DROSHA: variants seen among roughly 807,000 people sequenced by gnomAD.
DROSHA encodes the protein drosha ribonuclease III, also known as ribonuclease 3.
A neutral mutation model predicts 181.9 loss-of-function variants in DROSHA; 56 were observed. That is an observed-to-expected ratio of 0.31 (90% confidence interval 0.25 to 0.38). The LOEUF (loss-of-function observed/expected upper bound fraction) is 0.38, where lower values mean the gene tolerates loss of function less well. DROSHA is among the 10% of genes least tolerant of loss of function. The probability of loss-of-function intolerance (pLI) is 1.00; values close to 1 mark genes in which losing one functional copy is unlikely to be tolerated. For synonymous variants in DROSHA, 524 were observed against 591.2 expected (o/e 0.89, Z 1.65); for missense variants, 1,218 against 1,743.5 (o/e 0.70, Z 5.37).
At chr5:31,496,046 T>C (rs996346508) in intron 11 of DROSHA, among the ~76,000 whole-genome samples, 1 of 152,170 alleles carries the variant, frequency 6.6e-6, no homozygotes, top group Admixed American at 6.5e-5. Flanking sequence ...TGGTTGTGTC[T>C]TGGCATTTTC....
intron 16 of DROSHA, among the ~76,000 whole-genome samples, chr5:31,483,169 C>T (rs190560786): frequency 1.3e-5 from 2 of 152,040 alleles, no homozygotes; most frequent in Non-Finnish European, 1.5e-5. Flanking sequence ...AATCCTACTA[C>T]CTTAATGTAA....
chr5:31,481,445 T>C (rs1174637508), intron 16 of DROSHA, among the ~76,000 whole-genome samples: 1 of 152,218 alleles, frequency 6.6e-6, no homozygotes, highest in Non-Finnish European at 1.5e-5. Flanking sequence ...TGTTTGGTCA[T>C]AAAACGCCTA....
At chr5:31,490,000 C>T (rs190564050) in intron 13 of DROSHA, among the ~76,000 whole-genome samples, 44 of 152,160 alleles carry the variant, frequency 2.9e-4, no homozygotes, top group African/African-American at 9.4e-4. Context: ...CTCAGCCTCC[C>T]GAGTAGCTGG....
At chr5:31,520,881 G>A (rs1003416976) in intron 6 of DROSHA, among the ~76,000 whole-genome samples, 4 of 152,056 alleles carry the variant, frequency 2.6e-5, no homozygotes, top group Non-Finnish European at 4.4e-5. Context: ...TAGCACTGTG[G>A]TCAGAAAAAG....
At chr5:31,492,599 C>T (rs1163157169) in intron 13 of DROSHA, among the ~76,000 whole-genome samples, 1 of 152,222 alleles carries the variant, frequency 6.6e-6, no homozygotes, top group Non-Finnish European at 1.5e-5. Context: ...CTACATCCAA[C>T]TGCAATATGA....
rs145317195 is a variant in DROSHA at position 31,523,549 on chromosome 5, T to A, written c.855-2334A>T. On this transcript the variant is annotated intron_variant, in intron 5 of 35. Coordinates refer to ENST00000344624, the MANE Select transcript of DROSHA (RefSeq NM_001382508.1). ...AAACAGAGGCGGAAATACAACACTA[T>A]CTAGAATGTTTGCTGCAAAATGTTT... Among the ~76,000 whole-genome samples, 815 of 152,270 alleles carry A rather than the reference T, an allele frequency of 5.4e-3. 4 individuals are homozygous for A. Among genetic ancestry groups the A allele is most frequent in the African/African-American group, 0.019 (780 of 41,544 alleles).
At chr5:31,474,368 T>C (rs1460400735) in intron 16 of DROSHA, among the ~76,000 whole-genome samples, 1 of 152,118 alleles carries the variant, frequency 6.6e-6, no homozygotes, top group Non-Finnish European at 1.5e-5. Context: ...AGTCCTTTTT[T>C]TTTCTTTTTT....
At chr5:31,468,176 A>G (rs928884632) in intron 17 of DROSHA, 113 bp from the exon 18 acceptor site, 5 of 1,230,896 alleles carry the variant, frequency 4.1e-6, no homozygotes, top group Non-Finnish European at 3.3e-6. Context: ...CTTGTCCCCA[A>G]AGGGAAAAGG....
At chr5:31,481,492 C>T (rs950477202) in intron 16 of DROSHA, among the ~76,000 whole-genome samples, 1 of 152,154 alleles carries the variant, frequency 6.6e-6, no homozygotes. Context: ...GGCTTTTCAG[C>T]AAATTCACTC....
intron 14 of DROSHA, among the ~76,000 whole-genome samples, chr5:31,485,934 T>G (rs75792413): frequency 6.6e-6 from 1 of 152,242 alleles, no homozygotes; most frequent in South Asian, 2.1e-4. Context: ...GTATGATTTG[T>G]TGACACCACT....
At chr5:31,406,728 A>T in intron 34 of DROSHA, 125 bp downstream of exon 34, 1 of 825,364 alleles carries the variant, frequency 1.2e-6, no homozygotes, top group Non-Finnish European at 1.9e-6. Context: ...TCACTTTGCT[A>T]CTACTCTTGA....
Position 31,406,337 on chromosome 5 carries a change from C to G in DROSHA, c.3947+516G>C, listed in dbSNP as rs570605541. ...ACCAGCTTGGCCAACATGGTAAAAC[C>G]CTGTCTCTACTAAAAACACAAAAAT... On this transcript the variant is annotated intron_variant, in intron 34 of 35. Coordinates refer to ENST00000344624, the MANE Select transcript of DROSHA (RefSeq NM_001382508.1). Among the ~76,000 whole-genome samples the G allele has an allele frequency of 6.1e-4, 93 of 151,946 alleles. 1 individual carries two copies. Among genetic ancestry groups the G allele is most frequent in the African/African-American group, 2.1e-3 (89 of 41,450 alleles).
chr5:31,429,584 T>A (rs759842244), intron 26 of DROSHA, 39 bp from the exon 27 acceptor site: 1 of 1,561,530 alleles, frequency 6.4e-7, no homozygotes. Flanking sequence ...AGAGTCTCCA[T>A]CAACAGTCAA....
chr5:31,421,898 T>TATATATATATATATATATATATACGCC (rs59534292), intron 29 of DROSHA: 1 of 50,454 alleles, frequency 2.0e-5, no homozygotes. Context: ...AAAAAAAATA[T>TATATATATATATATATATATATACGCC]ATATATATAA....
intron 30 of DROSHA, among the ~76,000 whole-genome samples, chr5:31,420,775 CCA>C (rs759644719): frequency 1.3e-5 from 2 of 152,204 alleles, no homozygotes; most frequent in Admixed American, 6.5e-5. Context: ...TCTTTGAACT[CCA>C]CAGATAGAAG....
chr5:31,525,890 A>C (rs909152275), intron 5 of DROSHA, among the ~76,000 whole-genome samples, 189 bp downstream of exon 5: 23 of 152,226 alleles, frequency 1.5e-4, no homozygotes, highest in Non-Finnish European at 1.6e-4. Context: ...TTTTAAAAGC[A>C]ATTTTTTTCT....
chr5:31,519,169 T>C (rs1739594758), intron 6 of DROSHA, among the ~76,000 whole-genome samples: 1 of 152,194 alleles, frequency 6.6e-6, no homozygotes, highest in South Asian at 2.1e-4. Flanking sequence ...GTCTACCTTC[T>C]CTGCAAGCTA....
chr5:31,448,455 TA>T, intron 23 of DROSHA, 91 bp downstream of exon 23: 3 of 1,211,440 alleles, frequency 2.5e-6, no homozygotes, highest in Non-Finnish European at 3.6e-6. Context: ...GTGAACATAC[TA>T]AAAACCACTG....
rs1291666757 is a variant in DROSHA at position 31,449,045 on chromosome 5, G to C, written c.2821+236C>G. 2.0e-5 allele frequency among the ~76,000 whole-genome samples: 3 copies of C among 151,826 alleles called. No individual in the cohort carries two copies. The East Asian group carries it at 5.8e-4, about 29-fold the overall frequency. ...AGCTATTTGGGAGGCTAACACAGGA[G>C]AATCACTTGAACCCAGGAGGCAAAG... On this transcript the variant is annotated intron_variant, in intron 22 of 35. Transcript: ENST00000344624.
Sources: allele counts gnomAD v4.1 joint callset (sites outside exome capture counted in the v4.1 genomes callset), GRCh38; gene constraint gnomAD v4.1.1; transcripts MANE v1.5; gene names NCBI Gene and HGNC (gene_info 2026-07-23, HGNC 2026-07-21).